Variants in LCLAT1 observed in about 807,000 individuals in gnomAD.
LCLAT1 encodes the protein 1-AGP acyltransferase 8.
In LCLAT1, 11 loss-of-function variants were observed where a neutral mutation model predicts 30.7. The observed-to-expected ratio is 0.36, with a 90% confidence interval of 0.23 to 0.59. The LOEUF is 0.59. Ranked by LOEUF, LCLAT1 falls within the 20% of genes least tolerant of loss-of-function variation. LCLAT1 has a pLI of 0.77. For missense variants in LCLAT1, 402 were observed against 458.6 expected (o/e 0.88, Z 1.13); for synonymous variants, 155 against 151.3 (o/e 1.02, Z -0.18).
chr2:30,491,625 C>CCTT (rs1683835806), intron 1 of LCLAT1, among the ~76,000 whole-genome samples: 1 of 152,204 alleles, frequency 6.6e-6, no homozygotes, highest in Non-Finnish European at 1.5e-5. Flanking sequence ...AAGCTTAAAG[C>CCTT]AGGTGGCCTT....
intron 5 of LCLAT1, among the ~76,000 whole-genome samples, chr2:30,630,962 G>A (rs1173857768): frequency 1.3e-5 from 2 of 152,084 alleles, no homozygotes; most frequent in East Asian, 3.9e-4. Flanking sequence ...AACAGAAAAT[G>A]CCAAAAATTT....
intron 1 of LCLAT1, among the ~76,000 whole-genome samples, chr2:30,521,851 C>G (rs1383562352): frequency 6.6e-6 from 1 of 152,108 alleles, no homozygotes; most frequent in Non-Finnish European, 1.5e-5. Flanking sequence ...AAACCATCTC[C>G]CTACTTGTAA....
intron 3 of LCLAT1, 89 bp downstream of exon 3, chr2:30,533,403 C>T: frequency 9.0e-7 from 1 of 1,105,866 alleles, no homozygotes; most frequent in South Asian, 1.3e-5. Flanking sequence ...TAAAGCGATT[C>T]CATTTTTTTC....
At chr2:30,468,211 C>T (rs1000803661) in intron 1 of LCLAT1, among the ~76,000 whole-genome samples, 8 of 152,106 alleles carry the variant, frequency 5.3e-5, no homozygotes, top group East Asian at 3.9e-4. Flanking sequence ...GAATCCTTTC[C>T]CCATTTCTTG....
chr2:30,493,394 C>A (rs1264329555), intron 1 of LCLAT1, among the ~76,000 whole-genome samples: 1 of 152,044 alleles, frequency 6.6e-6, no homozygotes, highest in African/African-American at 2.4e-5. Flanking sequence ...AAAAACTGAA[C>A]AATCAAAGGA....
At chr2:30,534,036 T>A (rs1311001877) in intron 3 of LCLAT1, among the ~76,000 whole-genome samples, 1 of 152,194 alleles carries the variant, frequency 6.6e-6, no homozygotes. Flanking sequence ...CTGACAGCCT[T>A]GTTAATTACA....
chr2:30,534,032 G>A (rs991731970), intron 3 of LCLAT1, among the ~76,000 whole-genome samples: 3 of 152,106 alleles, frequency 2.0e-5, no homozygotes, highest in Non-Finnish European at 2.9e-5. Context: ...CCTCCTGACA[G>A]CCTTGTTAAT....
intron 5 of LCLAT1, among the ~76,000 whole-genome samples, chr2:30,612,980 A>G (rs1311635476): frequency 6.6e-6 from 1 of 152,164 alleles, no homozygotes; most frequent in Non-Finnish European, 1.5e-5. Flanking sequence ...AGAGAAAATA[A>G]ATCAAGGAAG....
chr2:30,567,943 C>T, intron 4 of LCLAT1, 117 bp from the exon 5 acceptor site: 1 of 589,658 alleles, frequency 1.7e-6, no homozygotes, highest in Non-Finnish European at 3.0e-6. Context: ...ACTCAGTATT[C>T]AGTAATTAGA....
chr2:30,451,013 TAAAC>T (rs1200981447), intron 1 of LCLAT1, among the ~76,000 whole-genome samples: 3 of 152,166 alleles, frequency 2.0e-5, no homozygotes, highest in Non-Finnish European at 4.4e-5. Flanking sequence ...GTGTGTAGCA[TAAAC>T]AAAATTAATG....
intron 1 of LCLAT1, among the ~76,000 whole-genome samples, chr2:30,466,309 G>A (rs1488125374): frequency 6.8e-6 from 1 of 147,258 alleles, no homozygotes; most frequent in Non-Finnish European, 1.5e-5. Context: ...ACCTAGGCTG[G>A]GCTGGAGCTC....
chr2:30,527,311 A>T lies in LCLAT1; in HGVS notation c.165+1556A>T, dbSNP rs957058680. ...AGATCTATTCTGGATTCAGAATTGTATATCTGATTGTAAAGCAAACATTCA... is the reference window on the plus strand; with the variant it reads ...AGATCTATTCTGGATTCAGAATTGTTTATCTGATTGTAAAGCAAACATTCA... On this transcript the variant is annotated intron_variant, in intron 2 of 5. Transcript: ENST00000379509. Among the ~76,000 whole-genome samples the T allele has an allele frequency of 2.0e-5, 3 of 152,338 alleles. No homozygotes were observed. The South Asian group carries it at 6.2e-4, about 32-fold the overall frequency.
intron 5 of LCLAT1, among the ~76,000 whole-genome samples, chr2:30,571,284 G>C (rs778620853): frequency 6.6e-6 from 1 of 152,044 alleles, no homozygotes; most frequent in Non-Finnish European, 1.5e-5. Context: ...CAAATTCTTC[G>C]GTTTGTATTC....
At chr2:30,596,802 CTTGAG>C in intron 5 of LCLAT1, among the ~76,000 whole-genome samples, 1 of 127,506 alleles carries the variant, frequency 7.8e-6, no homozygotes, top group Non-Finnish European at 1.6e-5. Flanking sequence ...TTTAATCCAT[CTTGAG>C]TTAATTTTTG....
At chr2:30,634,067 T>C (rs1406789342) in intron 5 of LCLAT1, among the ~76,000 whole-genome samples, 2 of 152,240 alleles carry the variant, frequency 1.3e-5, no homozygotes. Context: ...TGTAAGCTTC[T>C]GTAACTTAAA....
At chr2:30,630,301 G>T (rs188263144) in intron 5 of LCLAT1, among the ~76,000 whole-genome samples, 43 of 152,224 alleles carry the variant, frequency 2.8e-4, no homozygotes, top group Middle Eastern at 3.4e-3. Flanking sequence ...AGTCACATTG[G>T]GGGTTAGGGC....
At chr2:30,492,182 C>T (rs1266622353) in intron 1 of LCLAT1, among the ~76,000 whole-genome samples, 1 of 152,024 alleles carries the variant, frequency 6.6e-6, no homozygotes, top group Non-Finnish European at 1.5e-5. Context: ...AGAAATAAGA[C>T]ATACATGAAA....
rs142659710 is a variant in LCLAT1 at position 30,602,054 on chromosome 2, A to G, written c.628+33878A>G. 9.9e-3 allele frequency among the ~76,000 whole-genome samples: 1,500 copies of G among 152,202 alleles called. 26 individuals are homozygous for G. Among genetic ancestry groups the G allele is most frequent in the African/African-American group, 0.034 (1,394 of 41,544 alleles). On this transcript the variant is annotated intron_variant, in intron 5 of 5. Coordinates refer to ENST00000379509, the MANE Select transcript of LCLAT1 (RefSeq NM_001002257.3). ...TTGACAGACTTTCCTTTTGTTAGGT[A>G]GGAGACTTGGTTGTTTTTCATCCAG...
intron 1 of LCLAT1, among the ~76,000 whole-genome samples, chr2:30,482,435 A>C (rs1008884114): frequency 2.0e-5 from 3 of 152,234 alleles, no homozygotes; most frequent in Non-Finnish European, 4.4e-5. Context: ...AAAAATCTCT[A>C]GTATATATCT....
Sources: gnomAD v4.1 joint callset for allele counts (sites outside exome capture counted in the v4.1 genomes callset) on GRCh38, gnomAD v4.1.1 for gene constraint, MANE v1.5 for transcripts, NCBI Gene and HGNC (gene_info 2026-07-23, HGNC 2026-07-21) for gene names.